The following SCMH1 variants were observed in gnomAD, a reference collection of about 807,000 sequenced individuals.
The protein encoded by SCMH1 is Scm polycomb group protein homolog 1, also known as polycomb protein SCMH1.
A neutral mutation model predicts 70.8 loss-of-function variants in SCMH1; 37 were observed. That is an observed-to-expected ratio of 0.52 (90% CI 0.40 to 0.69). The LOEUF (loss-of-function observed/expected upper bound fraction) is 0.69, where lower values mean the gene tolerates loss of function less well. Ranked by LOEUF, SCMH1 falls within the 30% of genes least tolerant of loss-of-function variation. The pLI is 0.00. For missense variants in SCMH1, 607 were observed against 827.3 expected (o/e 0.73, Z 3.27); for synonymous variants, 292 against 307.4 (o/e 0.95, Z 0.52).
chr1:41,133,438 G>A (rs542400602), intron 6 of SCMH1, among the ~76,000 whole-genome samples: 5 of 152,140 alleles, frequency 3.3e-5, no homozygotes, highest in Non-Finnish European at 5.9e-5. Flanking sequence ...ACTAAGGTAA[G>A]TGCAGAACTG....
intron 8 of SCMH1, among the ~76,000 whole-genome samples, chr1:41,100,567 CTT>C (rs72221588): frequency 0.088 from 10,733 of 122,156 alleles, 434 homozygotes; most frequent in South Asian, 0.14. Context: ...TTTTCTTTTT[CTT>C]TTTTTTTTTT....
At chr1:41,213,101 T>A (rs1657388453) in intron 1 of SCMH1, among the ~76,000 whole-genome samples, 1 of 152,090 alleles carries the variant, frequency 6.6e-6, no homozygotes, top group African/African-American at 2.4e-5. Context: ...ATAAAATTCA[T>A]CAGAGGTAAA....
intron 5 of SCMH1, among the ~76,000 whole-genome samples, chr1:41,150,936 CAAAAAAAAAA>C (rs71062579): frequency 1.7e-4 from 13 of 76,524 alleles, no homozygotes; most frequent in Non-Finnish European, 2.7e-4. Flanking sequence ...GACACCATCT[CAAAAAAAAAA>C]AAAAAAAAAA....
chr1:41,203,026 T>A (rs1654724808), intron 1 of SCMH1, among the ~76,000 whole-genome samples: 1 of 152,048 alleles, frequency 6.6e-6, no homozygotes, highest in South Asian at 2.1e-4. Flanking sequence ...TTAAAAGTTT[T>A]AAAAAAAGAA....
chr1:41,179,901 G>C (rs1372295519), intron 2 of SCMH1, among the ~76,000 whole-genome samples: 1 of 152,060 alleles, frequency 6.6e-6, no homozygotes, highest in South Asian at 2.1e-4. Flanking sequence ...GTCTGGCAGA[G>C]ACACAACAAA....
intron 2 of SCMH1, among the ~76,000 whole-genome samples, chr1:41,174,994 T>C (rs1272444852): frequency 6.6e-6 from 1 of 152,204 alleles, no homozygotes; most frequent in Non-Finnish European, 1.5e-5. Flanking sequence ...AGATCAAGTA[T>C]GGCTTAAGGA....
At chr1:41,180,057 A>G (rs1345142256) in intron 2 of SCMH1, among the ~76,000 whole-genome samples, 1 of 152,262 alleles carries the variant, frequency 6.6e-6, no homozygotes, top group Non-Finnish European at 1.5e-5. Flanking sequence ...AGGCTGGTTC[A>G]ACATATGCAA....
chr1:41,199,546 GA>G (rs1325848099), intron 1 of SCMH1, among the ~76,000 whole-genome samples: 2 of 151,930 alleles, frequency 1.3e-5, no homozygotes, highest in Admixed American at 6.6e-5. Context: ...TTTTTAAGCT[GA>G]ACTTTGGAAG....
intron 4 of SCMH1, among the ~76,000 whole-genome samples, chr1:41,157,500 C>T (rs1389332835): frequency 6.6e-6 from 1 of 152,044 alleles, no homozygotes; most frequent in Non-Finnish European, 1.5e-5. Flanking sequence ...TTCACTATAC[C>T]ACAGGGTCCC....
chr1:41,198,194 C>A (rs192445800), intron 1 of SCMH1, among the ~76,000 whole-genome samples: 1 of 152,288 alleles, frequency 6.6e-6, no homozygotes, highest in African/African-American at 2.4e-5. Context: ...TATTACTGAT[C>A]GCTGATGAAG....
intron 1 of SCMH1, among the ~76,000 whole-genome samples, chr1:41,208,153 A>G (rs1362552742): frequency 2.6e-5 from 3 of 114,026 alleles, no homozygotes; most frequent in African/African-American, 1.0e-4. Flanking sequence ...GGAAACCATC[A>G]TTCTCAGTAA....
At chr1:41,200,861 A>G (rs1175686218) in intron 1 of SCMH1, among the ~76,000 whole-genome samples, 1 of 152,206 alleles carries the variant, frequency 6.6e-6, no homozygotes, top group Non-Finnish European at 1.5e-5. Flanking sequence ...TTTCATGATA[A>G]CAAAATGAAC....
chr1:41,106,621 G>A (rs986469799), intron 8 of SCMH1, among the ~76,000 whole-genome samples: 2 of 151,774 alleles, frequency 1.3e-5, no homozygotes, highest in Non-Finnish European at 2.9e-5. Flanking sequence ...AGCATTCTGC[G>A]CCTTCCTCTG....
At chr1:41,029,549 T>C (rs536737435) in intron 13 of SCMH1, among the ~76,000 whole-genome samples, 1 of 152,306 alleles carries the variant, frequency 6.6e-6, no homozygotes, top group South Asian at 2.1e-4. Flanking sequence ...AATTTAGTGT[T>C]TTGCTTGGAG....
intron 6 of SCMH1, among the ~76,000 whole-genome samples, chr1:41,130,238 T>C (rs1194131918): frequency 1.3e-5 from 2 of 152,214 alleles, no homozygotes; most frequent in African/African-American, 2.4e-5. Flanking sequence ...AAACCTTGAA[T>C]AACACAGTTG....
At chr1:41,124,500 A>G (rs1672698884) in intron 6 of SCMH1, among the ~76,000 whole-genome samples, 1 of 102,222 alleles carries the variant, frequency 9.8e-6, no homozygotes, top group Admixed American at 1.0e-4. Context: ...TGACACTGAC[A>G]TTTTTGAAGA....
At chr1:41,058,118 C>CAAAAAAAAAAAAAAAAAAAAAA (rs201623540) in intron 10 of SCMH1, among the ~76,000 whole-genome samples, 1 of 54,868 alleles carries the variant, frequency 1.8e-5, no homozygotes, top group African/African-American at 6.9e-5. Flanking sequence ...GAGATTGTCT[C>CAAAAAAAAAAAAAAAAAAAAAA]AAAAAAAAAA....
At position 41,231,332 on chromosome 1, in the gene SCMH1, T is replaced by C. The variant is rs144488781; in HGVS notation, c.-118+10727A>G. On this transcript the variant is annotated intron_variant, in intron 1 of 14. Coordinates refer to ENST00000337495, the Ensembl canonical transcript of SCMH1. The stretch of plus-strand genomic sequence containing the variant: ...AGGCACATCATTTTATGAAGAAATA[T>C]GTTTTAATTAAATCTCAAAGAAATA... 6.1e-3 allele frequency among the ~76,000 whole-genome samples: 932 copies of C among 152,352 alleles called. 14 individuals are homozygous for C. Among genetic ancestry groups the C allele is most frequent in the African/African-American group, 0.021 (891 of 41,582 alleles).
intron 9 of SCMH1, among the ~76,000 whole-genome samples, chr1:41,074,382 T>C (rs892571430): frequency 6.6e-6 from 1 of 152,180 alleles, no homozygotes; most frequent in African/African-American, 2.4e-5. Flanking sequence ...CAATTTACTA[T>C]AAAATAACAT....
Sources: gnomAD v4.1 joint callset for allele counts (sites outside exome capture counted in the v4.1 genomes callset) on GRCh38, gnomAD v4.1.1 for gene constraint, MANE v1.5 for transcripts, NCBI Gene and HGNC (gene_info 2026-07-23, HGNC 2026-07-21) for gene names.